Variants in CACNB3 observed in about 807,000 individuals in gnomAD.
CACNB3 encodes calcium voltage-gated channel auxiliary subunit beta 3, also known as voltage-dependent L-type calcium channel subunit beta-3.
In CACNB3, 36 loss-of-function variants were observed where a neutral mutation model predicts 63.7. That is an observed-to-expected ratio of 0.57 (90% CI 0.43 to 0.75). The LOEUF is 0.75. Among genes scored for constraint, CACNB3 ranks in the 30% least tolerant of loss-of-function variants. The pLI is 0.00. For missense variants in CACNB3, 493 were observed against 648.6 expected, an observed-to-expected ratio of 0.76 and a Z score of 2.61; for synonymous variants, 241 against 250.6, an observed-to-expected ratio of 0.96 and a Z score of 0.36.
Position 48,822,781 on chromosome 12 carries a change from G to A in CACNB3, c.46-563G>A, listed in dbSNP as rs1001911696. 2.0e-5 allele frequency among the ~76,000 whole-genome samples: 3 copies of A among 152,212 alleles called. No individual in the cohort carries two copies. In the South Asian group the frequency reaches 6.2e-4, roughly 32 times the overall value. ...CTGGAAGGGTAAGGGCTCACCATTT[G>A]GGAGCCTTCAGAGCCTTGTTGGAGT... On this transcript the variant is annotated intron_variant, in intron 1 of 12. Transcript: ENST00000301050.
chr12:48,823,270 G>C lies in CACNB3; in HGVS notation c.46-74G>C. 1 of 1,566,166 alleles carries C rather than the reference G, an allele frequency of 6.4e-7. No homozygotes were observed. The highest frequency in any genetic ancestry group is 8.7e-7 in the Non-Finnish European group (1 of 1,153,224). ...AACTGGGGGCAATAGAGGCAACACT[G>C]TAAGGTGAGGAGGGTGCCTCCATGG... On this transcript the variant is annotated intron_variant, in intron 1 of 12. Transcript: ENST00000301050. The surrounding 1 kb of genome is among the most constrained non-coding windows in gnomAD (Gnocchi z 4.2).
At chr12:48,816,125 G>A (rs1942283077), upstream of CACNB3, among the ~76,000 whole-genome samples, 2 of 152,204 alleles carry the variant, frequency 1.3e-5, no homozygotes, top group South Asian at 4.1e-4. Context: ...AGTCTTCCCA[G>A]AAGGCCTAGC....
At chr12:48,814,952 A>C (rs1161358630), upstream of CACNB3, 2 of 190,520 alleles carry the variant, frequency 1.0e-5, no homozygotes, top group Non-Finnish European at 2.1e-5. The surrounding 1 kb of genome is among the most constrained non-coding windows in gnomAD (Gnocchi z 6.9). Context: ...AGAACCCAGG[A>C]GAGGGGGGAG....
upstream of CACNB3, chr12:48,815,587 A>C: frequency 2.7e-6 from 4 of 1,489,144 alleles, no homozygotes; most frequent in Non-Finnish European, 3.6e-6. Flanking sequence ...GGGCGAGGCC[A>C]GGCGTGCAGG....
Position 48,824,914 on chromosome 12 carries a change from AC to A in CACNB3, c.473-33del, listed in dbSNP as rs1242854797. 5 of 1,612,834 alleles carry A rather than the reference AC, an allele frequency of 3.1e-6. No individual in the cohort carries two copies. In the African/African-American group the frequency reaches 6.7e-5, roughly 22 times the overall value. On this transcript the variant is annotated intron_variant, in intron 5 of 12. Coordinates refer to ENST00000301050, the MANE Select transcript of CACNB3 (RefSeq NM_000725.4). ...TGCCCCCAGGGACCTTTCCCCCTTCACCAACTTTAATCTTGTATTTCCTTTT... is the reference window on the plus strand; with the variant it reads ...TGCCCCCAGGGACCTTTCCCCCTTCACAACTTTAATCTTGTATTTCCTTTT...
rs1211203585 is a variant in CACNB3, at chr12:48,818,886, C to G, written c.-44C>G. 1.3e-6 allele frequency: 2 copies of G among 1,542,626 alleles called. No individual in the cohort carries two copies. The highest frequency in any genetic ancestry group is 1.7e-6 in the Non-Finnish European group (2 of 1,143,512). On this transcript the variant is annotated 5_prime_UTR_variant, in exon 1 of 13. Transcript: ENST00000301050. The surrounding 1 kb of genome is among the most constrained non-coding windows in gnomAD (Gnocchi z 4.3). ...AGTCCTTGCCCCTGCCTCCGGGCCG[C>G]TCCCGCCCCCGGCGCCGCTCGCTCC...
At chr12:48,815,664 G>C (rs1333657862), upstream of CACNB3, 2 of 1,534,230 alleles carry the variant, frequency 1.3e-6, no homozygotes, top group South Asian at 1.2e-5. Context: ...CCGGGGGAGG[G>C]GGAGAGGCCG....
intron 4 of CACNB3, 27 bp from the exon 5 acceptor site, chr12:48,824,642 C>T (rs967979943): frequency 1.3e-6 from 2 of 1,549,302 alleles, no homozygotes; most frequent in Non-Finnish European, 1.8e-6. Context: ...TCTTCTCTCT[C>T]TCTCTTTCAC....
chr12:48,815,456 A>G (rs1942261455), upstream of CACNB3: 6 of 989,294 alleles, frequency 6.1e-6, no homozygotes, highest in Non-Finnish European at 8.6e-6. Flanking sequence ...AGGCAGGGAG[A>G]GCCAGAGACT....
chr12:48,816,419 A>G (rs902288211), upstream of CACNB3, among the ~76,000 whole-genome samples: 7 of 152,208 alleles, frequency 4.6e-5, no homozygotes, highest in Admixed American at 6.5e-5. Flanking sequence ...ATGCCCAGCC[A>G]TGAAAAAGAA....
At chr12:48,824,992 C>G in intron 6 of CACNB3, 24 bp downstream of exon 6, 1 of 1,607,484 alleles carries the variant, frequency 6.2e-7, no homozygotes, top group Non-Finnish European at 8.5e-7. Context: ...GGGACCTGGG[C>G]TGGGGGGATC....
chr12:48,822,887 T>C (rs1270581284), intron 1 of CACNB3, among the ~76,000 whole-genome samples: 3 of 152,168 alleles, frequency 2.0e-5, no homozygotes, highest in East Asian at 3.9e-4. Context: ...ATCTCTTGAC[T>C]GTTGCGGCTG....
chr12:48,816,710 T>C (rs1332235339), upstream of CACNB3, among the ~76,000 whole-genome samples: 1 of 152,110 alleles, frequency 6.6e-6, no homozygotes, highest in East Asian at 1.9e-4. Flanking sequence ...TCGCAGGAGA[T>C]TACAAGGAGT....
Position 48,818,705 on chromosome 12 carries a change from G to T in CACNB3, c.-225G>T. The stretch of plus-strand genomic sequence containing the variant: ...AGATTCCTCAGCCGCGCTCGGGGTG[G>T]GACCGGCTGGGTTTGGGGGGGTGGG... On this transcript the variant is annotated 5_prime_UTR_variant, in exon 1 of 13. Coordinates refer to ENST00000301050, the MANE Select transcript of CACNB3 (RefSeq NM_000725.4). This position sits in a 1 kb window ranked among gnomAD's most constrained non-coding sequence, Gnocchi z 4.3. 2 of 1,257,254 alleles carry T rather than the reference G, an allele frequency of 1.6e-6. No homozygotes were observed. Among genetic ancestry groups the T allele is most frequent in the South Asian group, 4.8e-5 (2 of 41,358 alleles). The allele number at this position is 1,257,254 out of a possible 1,614,324, so 77.9% of individuals were successfully genotyped here.
At position 48,825,125 on chromosome 12, in the gene CACNB3, G is replaced by C; in HGVS notation, c.493-38G>C. The C allele has an allele frequency of 1.9e-6, 3 of 1,608,070 alleles. No homozygotes were observed. Among genetic ancestry groups the C allele is most frequent in the Non-Finnish European group, 2.6e-6 (3 of 1,174,532 alleles). On this transcript the variant is annotated intron_variant, in intron 6 of 12. Transcript: ENST00000301050. This position sits in a 1 kb window ranked among gnomAD's most constrained non-coding sequence, Gnocchi z 4.5. ...CCAACCAGGCATGAGACAGGCACCA[G>C]GGCCATGGTTTCTACTGACCTCATG... is the stretch of plus-strand genomic sequence containing the variant.
chr12:48,824,442 C>G (rs907266423), intron 4 of CACNB3, 69 bp downstream of exon 4: 26 of 1,331,882 alleles, frequency 2.0e-5, no homozygotes, highest in Non-Finnish European at 2.3e-5. Flanking sequence ...GACACGTCAC[C>G]ATGCATGCCA....
chr12:48,828,406 A>G lies in CACNB3; in HGVS notation c.*507A>G. 3.0e-6 allele frequency: 1 copy of G among 330,394 alleles called. No homozygotes were observed. Among genetic ancestry groups the G allele is most frequent in the South Asian group, 2.5e-5 (1 of 39,506 alleles). The allele number at this position is 330,394 out of a possible 1,614,324, so 20.5% of individuals were successfully genotyped here. On this transcript the variant is annotated 3_prime_UTR_variant, in exon 13 of 13. Coordinates refer to ENST00000301050, the MANE Select transcript of CACNB3 (RefSeq NM_000725.4). Reference sequence around the variant, plus strand: ...GCCATACATTAGAAATGAGACAATCAAAGCCCCCCCAGGGTGGCACACCCA... The same window carrying G: ...GCCATACATTAGAAATGAGACAATCGAAGCCCCCCCAGGGTGGCACACCCA...
upstream of CACNB3, chr12:48,818,339 C>G (rs1359987608): frequency 4.5e-6 from 2 of 444,028 alleles, no homozygotes; most frequent in Non-Finnish European, 6.0e-6. This position sits in a 1 kb window ranked among gnomAD's most constrained non-coding sequence, Gnocchi z 4.3. Flanking sequence ...CCGCCCGGGT[C>G]GCGTCTCCCT....
rs1224241220 is a variant in CACNB3 at position 48,825,341 on chromosome 12, G to A, written c.574-93G>A. 12 of 1,567,286 alleles carry A rather than the reference G, an allele frequency of 7.7e-6. No individual in the cohort carries two copies. The highest frequency in any genetic ancestry group is 1.4e-5 in the African/African-American group (1 of 73,934). ...AAGGGGTGTGTCTCCTCCGTCCAGGGTGTGTATGTGGAGCGCATTGACTCT... is the reference window on the plus strand; with the variant it reads ...AAGGGGTGTGTCTCCTCCGTCCAGGATGTGTATGTGGAGCGCATTGACTCT... On this transcript the variant is annotated intron_variant, in intron 7 of 12. Coordinates refer to ENST00000301050, the MANE Select transcript of CACNB3 (RefSeq NM_000725.4). The surrounding 1 kb of genome is among the most constrained non-coding windows in gnomAD (Gnocchi z 4.5).
Sources: allele counts gnomAD v4.1 joint callset (sites outside exome capture counted in the v4.1 genomes callset), GRCh38; gene constraint gnomAD v4.1.1; non-coding constraint Gnocchi (gnomAD v3.1); transcripts MANE v1.5; gene names NCBI Gene and HGNC (gene_info 2026-07-23, HGNC 2026-07-21).